Variants in SLC44A5 observed in about 807,000 individuals in gnomAD.
SLC44A5 encodes choline transporter-like protein 5.
In SLC44A5, 57 loss-of-function variants were observed where a neutral mutation model predicts 101.8. The observed-to-expected ratio is 0.56, with a 90% confidence interval of 0.45 to 0.70. The LOEUF (loss-of-function observed/expected upper bound fraction) is 0.70, where lower values mean the gene tolerates loss of function less well. SLC44A5 is among the 30% of genes least tolerant of loss of function. The pLI is 0.00. For missense variants in SLC44A5, 737 were observed against 853.1 expected, an observed-to-expected ratio of 0.86 and a Z score of 1.70; for synonymous variants, 281 against 290.9, an observed-to-expected ratio of 0.97 and a Z score of 0.35.
the SLC44A5 span, among the ~76,000 whole-genome samples, chr1:75,668,124 A>T: frequency 1.3e-5 from 2 of 152,178 alleles, no homozygotes; most frequent in Non-Finnish European, 2.9e-5. Flanking sequence ...TTGCTATCTC[A>T]TTAAGACAAC....
At chr1:75,504,779 G>A (rs1013137819) in intron 2 of SLC44A5, among the ~76,000 whole-genome samples, 4 of 152,070 alleles carry the variant, frequency 2.6e-5, no homozygotes, top group Non-Finnish European at 4.4e-5. Flanking sequence ...AAAGTTTTCT[G>A]TAACTAGGGA....
chr1:75,595,514 A>G (rs1301559834), intron 1 of SLC44A5, among the ~76,000 whole-genome samples: 1 of 152,154 alleles, frequency 6.6e-6, no homozygotes, highest in Non-Finnish European at 1.5e-5. Context: ...AATGAAAACC[A>G]TAATAGTTAA....
chr1:75,461,603 A>C (rs1004584492), intron 2 of SLC44A5, among the ~76,000 whole-genome samples: 3 of 152,182 alleles, frequency 2.0e-5, no homozygotes, highest in Admixed American at 2.0e-4. Flanking sequence ...TTATTGAGTT[A>C]CTGTCTAGGC....
intron 5 of SLC44A5, among the ~76,000 whole-genome samples, chr1:75,280,700 C>T (rs993728683): frequency 7.3e-5 from 11 of 150,980 alleles, no homozygotes; most frequent in African/African-American, 2.7e-4. Context: ...ATGCTGTTCT[C>T]ATGATAGTGA....
intron 1 of SLC44A5, among the ~76,000 whole-genome samples, chr1:75,548,456 G>T (rs1004587062): frequency 2.0e-5 from 3 of 152,154 alleles, no homozygotes; most frequent in African/African-American, 4.8e-5. Flanking sequence ...AAGCAATTTT[G>T]CTACTAAATA....
chr1:75,217,006 A>C (rs1476513428), intron 18 of SLC44A5, among the ~76,000 whole-genome samples: 2 of 152,076 alleles, frequency 1.3e-5, no homozygotes, highest in Non-Finnish European at 2.9e-5. Context: ...TGGGTGTACT[A>C]TCTAAGAAAT....
At chr1:75,339,767 CA>C in intron 3 of SLC44A5, 137 bp from the exon 4 acceptor site, 1 of 631,748 alleles carries the variant, frequency 1.6e-6, no homozygotes, top group Non-Finnish European at 2.6e-6. Context: ...TTTGATGAAA[CA>C]TAAGTATGTC....
At chr1:75,647,164 C>T in the SLC44A5 span, among the ~76,000 whole-genome samples, 19 of 152,186 alleles carry the variant, frequency 1.2e-4, no homozygotes, top group Admixed American at 3.3e-4. Flanking sequence ...TGGTGCCCTG[C>T]ATCTCAGCCA....
rs1199848589 is a variant in SLC44A5, at chr1:75,338,605, G to A, written c.101+977C>T. On this transcript the variant is annotated intron_variant, in intron 4 of 23. Transcript: ENST00000370859. ...TACTAGACAACAAAATGTATTCATG[G>A]TGTTACCATGGAGAGAATGGAGAGG... is the stretch of plus-strand genomic sequence containing the variant. 2.0e-5 allele frequency among the ~76,000 whole-genome samples: 3 copies of A among 152,190 alleles called. No individual in the cohort carries two copies. In the East Asian group the frequency reaches 5.8e-4, roughly 29 times the overall value.
intron 3 of SLC44A5, among the ~76,000 whole-genome samples, chr1:75,346,366 A>T (rs1478514322): frequency 3.3e-5 from 5 of 152,184 alleles, no homozygotes; most frequent in African/African-American, 1.2e-4. Flanking sequence ...TTTGCTCTAT[A>T]TGAACACAAA....
chr1:75,318,915 A>G (rs1483476264), intron 4 of SLC44A5, among the ~76,000 whole-genome samples: 1 of 152,130 alleles, frequency 6.6e-6, no homozygotes, highest in Non-Finnish European at 1.5e-5. Flanking sequence ...TTCATTTCAA[A>G]TATGCAGTTC....
the SLC44A5 span, among the ~76,000 whole-genome samples, chr1:75,705,024 T>C: frequency 6.6e-6 from 1 of 152,222 alleles, no homozygotes. Context: ...TATTCATGTT[T>C]ATCTACATCA....
In SLC44A5 at chr1:75,379,886, A is replaced by C. The variant is rs1442380111; in HGVS notation, c.52+16697T>G. On this transcript the variant is annotated intron_variant, in intron 3 of 23. Coordinates refer to ENST00000370859, the MANE Select transcript of SLC44A5 (RefSeq NM_001130058.2). ...AAAAAAGAATTGCCCAGTCTTAAAT[A>C]AACAGAATATAACTATTCAACCAAC... Among the ~76,000 whole-genome samples the C allele has an allele frequency of 2.4e-5, 2 of 82,956 alleles. 1 individual carries two copies. The highest frequency in any genetic ancestry group is 4.2e-5 in the Non-Finnish European group (2 of 48,090). 54.4% of individuals were successfully genotyped at this position (82,956 alleles called of 152,430 possible).
chr1:75,432,598 A>G (rs1297491752), intron 2 of SLC44A5, among the ~76,000 whole-genome samples: 1 of 152,186 alleles, frequency 6.6e-6, no homozygotes, highest in Non-Finnish European at 1.5e-5. Context: ...CTACATGGCA[A>G]GTAAATTATT....
intron 2 of SLC44A5, among the ~76,000 whole-genome samples, chr1:75,446,356 C>T (rs1665576207): frequency 6.6e-6 from 1 of 152,072 alleles, no homozygotes; most frequent in Non-Finnish European, 1.5e-5. Context: ...TAGCAGATGT[C>T]AAGCTCATCC....
chr1:75,338,645 TA>T (rs1313525411), intron 4 of SLC44A5, among the ~76,000 whole-genome samples: 2 of 152,340 alleles, frequency 1.3e-5, no homozygotes, highest in Admixed American at 6.5e-5. Flanking sequence ...GGACTCATTT[TA>T]AAGAAGGTGC....
At chr1:75,221,441 A>T (rs1570393606) in intron 14 of SLC44A5, among the ~76,000 whole-genome samples, 1 of 152,206 alleles carries the variant, frequency 6.6e-6, no homozygotes, top group Non-Finnish European at 1.5e-5. Context: ...CATGAATTTT[A>T]TGAAAGATTT....
At chr1:75,301,375 A>G (rs1654437298) in intron 4 of SLC44A5, among the ~76,000 whole-genome samples, 1 of 152,166 alleles carries the variant, frequency 6.6e-6, no homozygotes, top group South Asian at 2.1e-4. Context: ...AGTATTTTCT[A>G]TTCCCAATAT....
chr1:75,593,504 G>A (rs1557943183), intron 1 of SLC44A5, among the ~76,000 whole-genome samples: 2 of 151,998 alleles, frequency 1.3e-5, no homozygotes, highest in Non-Finnish European at 2.9e-5. Context: ...CAAAAGAAAG[G>A]AAATCAGTAT....
Sources: gnomAD v4.1 joint callset for allele counts (sites outside exome capture counted in the v4.1 genomes callset) on GRCh38, gnomAD v4.1.1 for gene constraint, MANE v1.5 for transcripts, NCBI Gene and HGNC (gene_info 2026-07-23, HGNC 2026-07-21) for gene names.